Variants in ACSM1 observed in about 807,000 individuals in gnomAD.
ACSM1 encodes the protein acyl-coenzyme A synthetase ACSM1, mitochondrial.
A neutral mutation model predicts 75.8 loss-of-function variants in ACSM1; 79 were observed. The ratio of observed to expected loss-of-function variants is 1.04; its 90% CI spans 0.87 to 1.26. ACSM1 has a LOEUF of 1.26. Among genes scored for constraint, ACSM1 ranks in the 50% most tolerant of loss-of-function variants. The pLI, the probability that ACSM1 is intolerant of heterozygous loss-of-function variation, is 0.00. For missense variants in ACSM1, 676 were observed against 720.1 expected (o/e 0.94, Z 0.70); for synonymous variants, 279 against 265.8 (o/e 1.05, Z -0.48).
chr16:20,672,497 A>ATATATATATATATATATAT (rs1274005290), intron 4 of ACSM1, among the ~76,000 whole-genome samples: 1 of 112,774 alleles, frequency 8.9e-6, no homozygotes, highest in African/African-American at 3.7e-5. Context: ...TATATATATA[A>ATATATATATATATATATAT]AAAACATATT....
At position 20,625,390 on chromosome 16, in the gene ACSM1, G is replaced by A. The variant is rs576355021; in HGVS notation, c.1527+33C>T. The A allele has an allele frequency of 1.5e-4, 238 of 1,593,846 alleles. 3 individuals are homozygous for A. The South Asian group carries it at 1.8e-3, about 12-fold the overall frequency. On this transcript the variant is annotated intron_variant, in intron 12 of 13. Coordinates refer to ENST00000520010, the MANE Select transcript of ACSM1 (RefSeq NM_001318890.3). ...CTGCACCTGCTTTCCTAGTGCCCAC[G>A]CACAGACATGATGATCTCTGTGTTC...
chr16:20,697,009 C>T (rs1428072734), intron 1 of ACSM1, among the ~76,000 whole-genome samples: 1 of 152,156 alleles, frequency 6.6e-6, no homozygotes, highest in Non-Finnish European at 1.5e-5. Flanking sequence ...GAATGAAGTG[C>T]ACGGTAAGGA....
chr16:20,673,336 T>C (rs924242190), intron 4 of ACSM1, among the ~76,000 whole-genome samples: 4 of 152,114 alleles, frequency 2.6e-5, no homozygotes, highest in African/African-American at 9.7e-5. Context: ...CTAGGTCTGC[T>C]GGTCTTGCTG....
intron 7 of ACSM1, among the ~76,000 whole-genome samples, chr16:20,652,617 A>G (rs182775683): frequency 1.1e-4 from 16 of 152,326 alleles, no homozygotes; most frequent in Admixed American, 8.5e-4. Context: ...AGAGAATACT[A>G]TAAACACCTC....
At chr16:20,669,767 T>C (rs1942516115) in intron 6 of ACSM1, 60 bp downstream of exon 6, 27 of 1,560,736 alleles carry the variant, frequency 1.7e-5, no homozygotes, top group Non-Finnish European at 2.3e-5. Context: ...TTTAGCAAGG[T>C]CCAGGAAACA....
chr16:20,676,699 T>C (rs796314725), intron 4 of ACSM1, among the ~76,000 whole-genome samples: 3 of 152,132 alleles, frequency 2.0e-5, no homozygotes, highest in Non-Finnish European at 4.4e-5. Flanking sequence ...GGAGGCATGG[T>C]CGTGGGCGTG....
chr16:20,669,441 A>AACACACACACACACACACAC (rs71149170), intron 6 of ACSM1, among the ~76,000 whole-genome samples: 6 of 141,252 alleles, frequency 4.2e-5, no homozygotes, highest in African/African-American at 1.6e-4. Context: ...TGAGTAAGAA[A>AACACACACACACACACACAC]ACACACACAC....
rs1453597498 is a variant in ACSM1, at chr16:20,691,751, A to ACG, written c.-51-513_-51-512insCG. 1.2e-3 allele frequency among the ~76,000 whole-genome samples: 167 copies of ACG among 134,106 alleles called. 1 individual carries two copies. Among genetic ancestry groups the ACG allele is most frequent in the Non-Finnish European group, 2.1e-3 (135 of 64,650 alleles). 88.0% of individuals were successfully genotyped at this position (134,106 alleles called of 152,430 possible). A position where few individuals can be genotyped will look rare whatever the true frequency, so the allele number is the denominator to read the frequency against. On this transcript the variant is annotated intron_variant, in intron 1 of 13. Coordinates refer to ENST00000520010, the MANE Select transcript of ACSM1 (RefSeq NM_001318890.3). ...CTGGGCCAATCATAATACCTCTCCA[A>ACG]TGTGTGTGTGTGTGTGTGTGTGTGT...
chr16:20,682,672 G>A (rs1031541333), intron 3 of ACSM1, among the ~76,000 whole-genome samples: 14 of 152,192 alleles, frequency 9.2e-5, no homozygotes, highest in African/African-American at 3.4e-4. Flanking sequence ...AGTTTTCCAA[G>A]TGATTCTTTT....
chr16:20,625,689 C>T (rs2016882362), intron 11 of ACSM1, among the ~76,000 whole-genome samples, 167 bp from the exon 12 acceptor site: 1 of 152,230 alleles, frequency 6.6e-6, no homozygotes, highest in African/African-American at 2.4e-5. Context: ...AAGACCTGGA[C>T]ATTATAGGCT....
At chr16:20,649,690 G>C (rs577213670) in intron 7 of ACSM1, among the ~76,000 whole-genome samples, 1 of 152,284 alleles carries the variant, frequency 6.6e-6, no homozygotes, top group South Asian at 2.1e-4. Context: ...ATGAGAAAAT[G>C]TTTAAATTTA....
chr16:20,685,080 G>A (rs190413644), intron 3 of ACSM1, 113 bp downstream of exon 3: 14 of 1,123,186 alleles, frequency 1.2e-5, no homozygotes, highest in African/African-American at 7.7e-5. Flanking sequence ...AAACTGGGGC[G>A]AAGGCTTCAA....
intron 10 of ACSM1, among the ~76,000 whole-genome samples, chr16:20,633,561 A>G (rs2152201767): frequency 6.6e-6 from 1 of 152,328 alleles, no homozygotes; most frequent in South Asian, 2.1e-4. Context: ...TATGATACTC[A>G]TTTATTGGAG....
chr16:20,636,911 T>C (rs2017752262), intron 9 of ACSM1, 71 bp from the exon 10 acceptor site: 8 of 1,103,986 alleles, frequency 7.2e-6, no homozygotes, highest in Admixed American at 1.7e-5. Context: ...AAGCACTGTC[T>C]GGTTTATGCA....
chr16:20,656,810 G>A (rs1457981223), intron 7 of ACSM1, among the ~76,000 whole-genome samples: 3 of 151,582 alleles, frequency 2.0e-5, no homozygotes, highest in Non-Finnish European at 4.4e-5. Context: ...AACTATCACG[G>A]AAGAGGTGGG....
At chr16:20,658,873 G>A (rs1220078897) in intron 7 of ACSM1, among the ~76,000 whole-genome samples, 2 of 151,904 alleles carry the variant, frequency 1.3e-5, no homozygotes, top group African/African-American at 4.9e-5. Flanking sequence ...AGATTTATCA[G>A]AGGGTTGAAA....
chr16:20,682,506 C>G, intron 3 of ACSM1, 43 bp from the exon 4 acceptor site: 1 of 1,527,084 alleles, frequency 6.5e-7, no homozygotes, highest in South Asian at 1.1e-5. Context: ...TTCTTTTTCA[C>G]AACCATGGGC....
In ACSM1 at chr16:20,671,804, G is replaced by A. The variant is rs142940868; in HGVS notation, c.612-133C>T. ...ACACTAGAGGAAAACTGGCTCTCCC[G>A]GAGTTAGGCATCACACTGACTTGAT... is the stretch of plus-strand genomic sequence containing the variant. On this transcript the variant is annotated intron_variant, in intron 4 of 13. Transcript: ENST00000520010. The A allele has an allele frequency of 7.3e-5, 73 of 995,764 alleles. No homozygotes were observed. In the Middle Eastern group the frequency reaches 9.3e-4, roughly 13 times the overall value. The allele number at this position is 995,764 out of a possible 1,614,324, so 61.7% of individuals were successfully genotyped here.
intron 2 of ACSM1, among the ~76,000 whole-genome samples, chr16:20,686,302 C>A (rs2152324159): frequency 1.3e-5 from 2 of 152,120 alleles, no homozygotes; most frequent in Admixed American, 1.3e-4. Context: ...ATAGAAACAG[C>A]AAGATTCTAC....
Sources: gnomAD v4.1 joint callset for allele counts (sites outside exome capture counted in the v4.1 genomes callset) on GRCh38, gnomAD v4.1.1 for gene constraint, MANE v1.5 for transcripts, NCBI Gene and HGNC (gene_info 2026-07-23, HGNC 2026-07-21) for gene names.